The following TTLL1 variants were observed in gnomAD, a reference collection of about 807,000 sequenced individuals.
The protein encoded by TTLL1 is polyglutamylase complex subunit TTLL1.
In TTLL1, 33 loss-of-function variants were observed where a neutral mutation model predicts 47.8. The observed-to-expected ratio is 0.69, with a 90% CI of 0.52 to 0.92. TTLL1 has a LOEUF of 0.92. Among genes scored for constraint, TTLL1 ranks in the 40% least tolerant of loss-of-function variants. The pLI is 0.00. For synonymous variants in TTLL1, 225 were observed against 214.1 expected (o/e 1.05, Z -0.45); for missense variants, 488 against 547.5 (o/e 0.89, Z 1.08).
At chr22:43,049,806 A>AT (rs1926461514) in intron 9 of TTLL1, among the ~76,000 whole-genome samples, 2 of 148,544 alleles carry the variant, frequency 1.3e-5, no homozygotes, top group African/African-American at 5.0e-5. Flanking sequence ...AAAAAAAAGA[A>AT]TTGTTGGCTG....
intron 10 of TTLL1, chr22:43,041,150 G>A (rs1925647366): frequency 6.6e-6 from 1 of 152,228 alleles, no homozygotes; most frequent in Non-Finnish European, 1.5e-5. Context: ...CTGGCCTGTG[G>A]CACAGGTAAG....
chr22:43,057,950 A>AT (rs1404346947), intron 8 of TTLL1, among the ~76,000 whole-genome samples: 42 of 124,582 alleles, frequency 3.4e-4, no homozygotes, highest in Non-Finnish European at 4.2e-4. Flanking sequence ...ATATATATAT[A>AT]TATTTTTTTT....
intron 9 of TTLL1, among the ~76,000 whole-genome samples, chr22:43,049,952 C>G (rs902587834): frequency 4.0e-5 from 6 of 151,664 alleles, no homozygotes; most frequent in African/African-American, 1.5e-4. Context: ...AAAAATTAGC[C>G]AGGGTTGGCG....
At chr22:43,052,270 A>G (rs1163652708) in intron 8 of TTLL1, 2 of 238,902 alleles carry the variant, frequency 8.4e-6, no homozygotes, top group Non-Finnish European at 8.5e-6. Context: ...ACTGTCCACC[A>G]GGCTGCCCGT....
chr22:43,045,722 G>A (rs1926072028), intron 10 of TTLL1, among the ~76,000 whole-genome samples: 1 of 151,860 alleles, frequency 6.6e-6, no homozygotes, highest in Admixed American at 6.6e-5. Flanking sequence ...GGTGACCCGT[G>A]AGAAACACGC....
chr22:43,055,287 G>T (rs1926925583), intron 8 of TTLL1, among the ~76,000 whole-genome samples: 1 of 151,920 alleles, frequency 6.6e-6, no homozygotes, highest in African/African-American at 2.4e-5. Flanking sequence ...GCCTCTCAAA[G>T]TGCTGGGATT....
chr22:43,069,057 C>T (rs56168056), intron 4 of TTLL1, among the ~76,000 whole-genome samples: 3,911 of 151,876 alleles, frequency 0.026, 50 homozygotes, highest in Middle Eastern at 0.038. Context: ...CCAGGCTGAG[C>T]GCTGAGGGCA....
At chr22:43,085,150 G>T (rs1026332538) in intron 1 of TTLL1, among the ~76,000 whole-genome samples, 1 of 151,638 alleles carries the variant, frequency 6.6e-6, no homozygotes, top group African/African-American at 2.4e-5. Flanking sequence ...CTAATTTTTT[G>T]TATTTTTAAT....
intron 2 of TTLL1, among the ~76,000 whole-genome samples, chr22:43,078,506 G>T (rs1928655535): frequency 6.6e-6 from 1 of 151,770 alleles, no homozygotes; most frequent in South Asian, 2.1e-4. Flanking sequence ...AAAAGAAAAG[G>T]AAGGAAAAAC....
chr22:43,055,557 C>G (rs1245580789), intron 8 of TTLL1, among the ~76,000 whole-genome samples: 5 of 152,116 alleles, frequency 3.3e-5, no homozygotes, highest in Non-Finnish European at 5.9e-5. Context: ...TCTCAAATTC[C>G]TGGGCTCAAG....
intron 10 of TTLL1, chr22:43,041,315 T>A (rs1470603899): frequency 6.6e-6 from 1 of 152,180 alleles, no homozygotes; most frequent in Non-Finnish European, 1.5e-5. Flanking sequence ...GGTATTTGTG[T>A]CAAACACAAA....
intron 5 of TTLL1, among the ~76,000 whole-genome samples, chr22:43,064,639 T>C (rs954168451): frequency 6.6e-6 from 1 of 152,022 alleles, no homozygotes; most frequent in Admixed American, 6.6e-5. Context: ...GGCAGGAGAA[T>C]CACTTGAACC....
intron 8 of TTLL1, among the ~76,000 whole-genome samples, chr22:43,054,557 T>C (rs1601667568): frequency 6.6e-6 from 1 of 151,842 alleles, no homozygotes; most frequent in South Asian, 2.1e-4. Flanking sequence ...CCCAAATAGC[T>C]GGGATCACAG....
At position 43,039,585 on chromosome 22, in the gene TTLL1, A is replaced by T; in HGVS notation, c.*191T>A. ...GTTAAAAATTAAAAAAAAAAGAGCGAGTTTTATACATCCGCATGAATTGTT... is the reference window on the plus strand; with the variant it reads ...GTTAAAAATTAAAAAAAAAAGAGCGTGTTTTATACATCCGCATGAATTGTT... On this transcript the variant is annotated 3_prime_UTR_variant, in exon 11 of 11. Transcript: ENST00000266254. 1 of 546,410 alleles carries T rather than the reference A, an allele frequency of 1.8e-6. No homozygotes were observed. Among genetic ancestry groups the T allele is most frequent in the Non-Finnish European group, 2.7e-6 (1 of 373,466 alleles). 33.8% of individuals were successfully genotyped at this position (546,410 alleles called of 1,614,324 possible). A position where few individuals can be genotyped will look rare whatever the true frequency, so the allele number is the denominator to read the frequency against.
At position 43,063,929 on chromosome 22, in the gene TTLL1, G is replaced by A; in HGVS notation, c.639-8C>T. 6.2e-7 allele frequency: 1 copy of A among 1,612,186 alleles called. No homozygotes were observed. Among genetic ancestry groups the A allele is most frequent in the Non-Finnish European group, 8.5e-7 (1 of 1,178,840 alleles). ...CAAAACCCAAGCTTGTACCTAGGAG[G>A]GAATGTAGATTAATTCAAACTCTGA... On this transcript the variant is annotated splice_region_variant and splice_polypyrimidine_tract_variant and intron_variant, in intron 6 of 10. Transcript: ENST00000266254.
intron 7 of TTLL1, among the ~76,000 whole-genome samples, chr22:43,060,085 C>T (rs766103988): frequency 2.0e-5 from 3 of 152,148 alleles, no homozygotes; most frequent in Non-Finnish European, 4.4e-5. Flanking sequence ...TGCAATGGCA[C>T]GATCTCGGCT....
At chr22:43,073,825 A>AT (rs201227645) in intron 3 of TTLL1, among the ~76,000 whole-genome samples, 17 of 143,408 alleles carry the variant, frequency 1.2e-4, no homozygotes, top group Admixed American at 2.1e-4. Context: ...TTATTTATTT[A>AT]TTTATTTATT....
intron 2 of TTLL1, 86 bp from the exon 3 acceptor site, chr22:43,075,676 A>G: frequency 8.5e-7 from 1 of 1,179,010 alleles, no homozygotes; most frequent in Non-Finnish European, 1.3e-6. Context: ...CAGCATGCCC[A>G]TCCCAAACTC....
At chr22:43,068,311 T>A (rs1927880764) in intron 5 of TTLL1, 99 bp downstream of exon 5, 3 of 1,108,732 alleles carry the variant, frequency 2.7e-6, no homozygotes, top group Non-Finnish European at 3.7e-6. Flanking sequence ...AGTGAGACTC[T>A]GTCAAAAAAA....
Sources: allele counts gnomAD v4.1 joint callset (sites outside exome capture counted in the v4.1 genomes callset), GRCh38; gene constraint gnomAD v4.1.1; transcripts MANE v1.5; gene names NCBI Gene and HGNC (gene_info 2026-07-23, HGNC 2026-07-21).